Variants in C1QTNF3 observed in about 807,000 individuals in gnomAD.
C1QTNF3 encodes C1q and TNF related 3, also known as complement C1q tumor necrosis factor-related protein 3.
A neutral mutation model predicts 32.6 loss-of-function variants in C1QTNF3; 26 were observed. The ratio of observed to expected loss-of-function variants is 0.80; its 90% CI spans 0.58 to 1.11. The LOEUF (loss-of-function observed/expected upper bound fraction) is 1.11. Among genes scored for constraint, C1QTNF3 ranks in the 50% least tolerant of loss-of-function variants. C1QTNF3 has a pLI of 0.00. For synonymous variants in C1QTNF3, 155 were observed against 146.0 expected (o/e 1.06, Z -0.44); for missense variants, 362 against 398.2 (o/e 0.91, Z 0.77).
chr5:34,134,692 T>C, the C1QTNF3 span, among the ~76,000 whole-genome samples: 1 of 152,160 alleles, frequency 6.6e-6, no homozygotes, highest in African/African-American at 2.4e-5. Context: ...CAATTGTGAA[T>C]GGGAGTTCAC....
At chr5:34,244,497 T>G in the C1QTNF3 span, 1 of 152,184 alleles carries the variant, frequency 6.6e-6, no homozygotes, top group Non-Finnish European at 1.5e-5. Flanking sequence ...AGAGAGCTGA[T>G]GGGTTCATTT....
chr5:34,221,283 C>T, the C1QTNF3 span, among the ~76,000 whole-genome samples: 1 of 151,990 alleles, frequency 6.6e-6, no homozygotes, highest in Non-Finnish European at 1.5e-5. Context: ...TTGATACTAA[C>T]AACTTGATTG....
At chr5:34,135,545 G>A in the C1QTNF3 span, among the ~76,000 whole-genome samples, 3 of 152,116 alleles carry the variant, frequency 2.0e-5, no homozygotes, top group East Asian at 5.8e-4. Context: ...AATCTGTCTG[G>A]TCCTGGACTT....
chr5:34,222,956 C>A, the C1QTNF3 span, among the ~76,000 whole-genome samples: 32 of 151,710 alleles, frequency 2.1e-4, no homozygotes, highest in Admixed American at 1.4e-3. Context: ...TGCATTTTTA[C>A]CCTCAGTGAT....
chr5:34,219,638 C>T, the C1QTNF3 span, among the ~76,000 whole-genome samples: 13 of 151,432 alleles, frequency 8.6e-5, no homozygotes, highest in East Asian at 1.9e-3. Flanking sequence ...CTGTTTTTTA[C>T]ATCCAAAGAA....
At position 34,038,507 on chromosome 5, in the gene C1QTNF3, T is replaced by C. The variant is rs139321318; in HGVS notation, c.304-2749A>G. Among the ~76,000 whole-genome samples the C allele has an allele frequency of 5.3e-3, 804 of 152,294 alleles. 2 individuals are homozygous for C. Among genetic ancestry groups the C allele is most frequent in the Non-Finnish European group, 8.3e-3 (567 of 68,024 alleles). On this transcript the variant is annotated intron_variant, in intron 1 of 5. Transcript: ENST00000382065. Reference sequence around the variant, plus strand: ...GGTCTCTCTCTGACCTTTCCCTGCCTCCCAGTCTCTCTGATCTTCTTTCCA... The same window carrying C: ...GGTCTCTCTCTGACCTTTCCCTGCCCCCCAGTCTCTCTGATCTTCTTTCCA...
chr5:34,214,965 C>A, the C1QTNF3 span, among the ~76,000 whole-genome samples: 1 of 152,140 alleles, frequency 6.6e-6, no homozygotes, highest in Non-Finnish European at 1.5e-5. Flanking sequence ...GTAGAACAGA[C>A]AATTGTTATC....
the C1QTNF3 span, among the ~76,000 whole-genome samples, chr5:34,230,861 C>CATTGAACAT: frequency 1.3e-5 from 2 of 152,230 alleles, no homozygotes; most frequent in East Asian, 3.9e-4. Context: ...CTTTTATTAA[C>CATTGAACAT]ATTGAACATA....
intron 2 of C1QTNF3, among the ~76,000 whole-genome samples, chr5:34,035,404 T>C (rs574568437): frequency 2.6e-5 from 4 of 152,338 alleles, no homozygotes; most frequent in East Asian, 1.9e-4. Context: ...CTTTTGGCTC[T>C]ACTCTGCCCT....
At chr5:34,025,375 G>C (rs140447037) in intron 4 of C1QTNF3, among the ~76,000 whole-genome samples, 1 of 152,262 alleles carries the variant, frequency 6.6e-6, no homozygotes, top group African/African-American at 2.4e-5. Flanking sequence ...ATTAAAAATA[G>C]GTTGCAAAAA....
chr5:34,089,506 C>A, the C1QTNF3 span, among the ~76,000 whole-genome samples: 1 of 152,194 alleles, frequency 6.6e-6, no homozygotes, highest in African/African-American at 2.4e-5. Context: ...GAAGACACAG[C>A]TAGATGCAAC....
chr5:34,068,193 G>A, the C1QTNF3 span, among the ~76,000 whole-genome samples: 4 of 152,078 alleles, frequency 2.6e-5, no homozygotes, highest in Non-Finnish European at 5.9e-5. Context: ...CTTCTGGTAC[G>A]TCTACTTGTG....
the C1QTNF3 span, among the ~76,000 whole-genome samples, chr5:34,177,713 T>G: frequency 6.6e-6 from 1 of 151,556 alleles, no homozygotes; most frequent in Admixed American, 6.6e-5. Flanking sequence ...GGACTTGAAC[T>G]CTTGGCCTCG....
At chr5:34,126,899 T>C in the C1QTNF3 span, among the ~76,000 whole-genome samples, 3 of 152,174 alleles carry the variant, frequency 2.0e-5, no homozygotes, top group South Asian at 6.2e-4. Flanking sequence ...TGGGAGGTGA[T>C]TGAATCATGG....
At chr5:34,241,998 A>G in the C1QTNF3 span, among the ~76,000 whole-genome samples, 1 of 150,016 alleles carries the variant, frequency 6.7e-6, no homozygotes, top group African/African-American at 2.5e-5. Context: ...GGAAGGAAGG[A>G]AGGAAGGAAA....
the C1QTNF3 span, among the ~76,000 whole-genome samples, chr5:34,196,221 A>G: frequency 3.0e-4 from 46 of 152,204 alleles, no homozygotes; most frequent in African/African-American, 1.0e-3. Flanking sequence ...ATCATGGCTC[A>G]CTGCAACCTC....
chr5:34,045,183 C>T (rs371044833), upstream of C1QTNF3, among the ~76,000 whole-genome samples: 4 of 152,224 alleles, frequency 2.6e-5, no homozygotes, highest in Non-Finnish European at 4.4e-5. Context: ...GCATCCCCCA[C>T]GAAGTGGGCC....
At chr5:34,139,235 C>T in the C1QTNF3 span, among the ~76,000 whole-genome samples, 2 of 151,704 alleles carry the variant, frequency 1.3e-5, no homozygotes, top group African/African-American at 2.4e-5. Flanking sequence ...CACATACACA[C>T]ACGGACTTAT....
At chr5:34,127,542 G>T in the C1QTNF3 span, among the ~76,000 whole-genome samples, 1 of 151,796 alleles carries the variant, frequency 6.6e-6, no homozygotes, top group Admixed American at 6.6e-5. Flanking sequence ...AAATTTGTAA[G>T]CAGAAAGGCA....
Sources: allele counts gnomAD v4.1 joint callset (sites outside exome capture counted in the v4.1 genomes callset), GRCh38; gene constraint gnomAD v4.1.1; transcripts MANE v1.5; gene names NCBI Gene and HGNC (gene_info 2026-07-23, HGNC 2026-07-21).